TRPC4AP: variants seen among roughly 807,000 people sequenced by gnomAD.
The protein encoded by TRPC4AP is transient receptor potential cation channel subfamily C member 4 associated protein.
A neutral mutation model predicts 99.0 loss-of-function variants in TRPC4AP; 45 were observed. The observed-to-expected ratio is 0.45, with a 90% CI of 0.36 to 0.58. The LOEUF (loss-of-function observed/expected upper bound fraction) is 0.58, where lower values mean the gene tolerates loss of function less well. Among genes scored for constraint, TRPC4AP ranks in the 20% least tolerant of loss-of-function variants. The probability of loss-of-function intolerance (pLI) is 0.00; values close to 1 mark genes in which losing one functional copy is unlikely to be tolerated. For synonymous variants in TRPC4AP, 408 were observed against 385.8 expected, an observed-to-expected ratio of 1.06 and a Z score of -0.67; for missense variants, 879 against 985.3, an observed-to-expected ratio of 0.89 and a Z score of 1.44.
chr20:35,026,170 G>A (rs962485699), intron 8 of TRPC4AP, among the ~76,000 whole-genome samples: 19 of 151,432 alleles, frequency 1.3e-4, no homozygotes, highest in Non-Finnish European at 1.6e-4. Context: ...ATAGTGTCTC[G>A]ATTGCAGCTT....
At position 35,008,750 on chromosome 20, in the gene TRPC4AP, G is replaced by T; in HGVS notation, c.1512-3C>A. 1 of 1,613,228 alleles carries T rather than the reference G, an allele frequency of 6.2e-7. No homozygotes were observed. Among genetic ancestry groups the T allele is most frequent in the Non-Finnish European group, 8.5e-7 (1 of 1,179,490 alleles). On this transcript the variant is annotated splice_region_variant and splice_polypyrimidine_tract_variant and intron_variant, in intron 12 of 18. Transcript: ENST00000252015. The stretch of plus-strand genomic sequence containing the variant: ...TCTTCCCATCACACACCAAACTCCT[G>T]AAATAGAAGAGAGATATTGGTGACA...
chr20:35,019,993 A>G (rs368763589), intron 9 of TRPC4AP, among the ~76,000 whole-genome samples: 2 of 152,236 alleles, frequency 1.3e-5, no homozygotes. Context: ...CTTACCTGCT[A>G]GTCTTAACCA....
intron 8 of TRPC4AP, among the ~76,000 whole-genome samples, chr20:35,033,702 G>A (rs533171558): frequency 2.0e-5 from 3 of 152,154 alleles, no homozygotes; most frequent in Non-Finnish European, 2.9e-5. Flanking sequence ...ATTAAGAAGA[G>A]GGTACCTGGC....
At chr20:35,072,803 T>C (rs1300846860) in intron 2 of TRPC4AP, among the ~76,000 whole-genome samples, 1 of 152,230 alleles carries the variant, frequency 6.6e-6, no homozygotes, top group Non-Finnish European at 1.5e-5. Context: ...AAAGTAGTTT[T>C]TTCCAATTCT....
chr20:35,032,761 C>T (rs1363916039), intron 8 of TRPC4AP, among the ~76,000 whole-genome samples: 6 of 152,298 alleles, frequency 3.9e-5, no homozygotes, highest in East Asian at 1.9e-4. Flanking sequence ...TGTGAGCCAA[C>T]GCGCCCAGCC....
rs2147255795 is a variant in TRPC4AP, at chr20:35,002,989, C to A, written c.*157G>T. 2 of 1,042,132 alleles carry A rather than the reference C, an allele frequency of 1.9e-6. No homozygotes were observed. Among genetic ancestry groups the A allele is most frequent in the Non-Finnish European group, 1.4e-6 (1 of 724,788 alleles). 64.6% of individuals were successfully genotyped at this position (1,042,132 alleles called of 1,614,324 possible). On this transcript the variant is annotated 3_prime_UTR_variant, in exon 19 of 19. Transcript: ENST00000252015. The stretch of plus-strand genomic sequence containing the variant: ...CCTAGGGCCCTCAGACCCAGGGGGA[C>A]CAAGGGCTTCTAGGACTTCCCTCCC...
In TRPC4AP at chr20:35,023,369, A is replaced by G. The variant is rs1489775796; in HGVS notation, c.1052-2013T>C. Among the ~76,000 whole-genome samples the G allele has an allele frequency of 2.6e-5, 4 of 152,228 alleles. No individual in the cohort carries two copies. The East Asian group carries it at 5.8e-4, about 22-fold the overall frequency. On this transcript the variant is annotated intron_variant, in intron 8 of 18. Transcript: ENST00000252015. ...AGGTGCCTGGAACATAGCCCCAAGT[A>G]AGCAACATACAATTAGAAACTAAAT...
intron 10 of TRPC4AP, among the ~76,000 whole-genome samples, chr20:35,014,134 AG>A (rs1187610442): frequency 3.9e-5 from 6 of 152,094 alleles, no homozygotes; most frequent in East Asian, 1.9e-4. Context: ...TACGGGTGTG[AG>A]CCACCATGCC....
chr20:35,092,651 C>T lies in TRPC4AP; in HGVS notation c.131G>A (p.Gly44Asp), dbSNP rs2085108504. Reference sequence around the variant, plus strand: ...GACCAGGCCCCGGCCGGTCAGCTGGCCCTGCCGCAGCTGCAGCAGAATGTT... The same window carrying T: ...GACCAGGCCCCGGCCGGTCAGCTGGTCCTGCCGCAGCTGCAGCAGAATGTT... ...PGNILLQLRQGQLTGRGLVRA... is the reference protein window; with the variant it reads ...PGNILLQLRQDQLTGRGLVRA... The change falls in exon 1 of 19, where the codon GGC (glycine) becomes GAC (aspartate). Residue 44 changes from glycine (G) to aspartate (D), a missense_variant. Physicochemically the swap from Gly to Asp is moderately conservative, Grantham distance 94. Coordinates refer to ENST00000252015, the MANE Select transcript of TRPC4AP (RefSeq NM_015638.3). The T allele has an allele frequency of 1.3e-6, 2 of 1,517,512 alleles. No individual in the cohort carries two copies. Among genetic ancestry groups the T allele is most frequent in the African/African-American group, 2.9e-5 (2 of 69,994 alleles). 94.0% of individuals were successfully genotyped at this position (1,517,512 alleles called of 1,614,324 possible).
chr20:35,054,917 T>C, intron 5 of TRPC4AP, 59 bp downstream of exon 5: 5 of 1,446,480 alleles, frequency 3.5e-6, no homozygotes, highest in Non-Finnish European at 4.8e-6. Flanking sequence ...TATTCCCATC[T>C]TAAACATTGC....
chr20:35,044,807 T>A, intron 6 of TRPC4AP, 95 bp from the exon 7 acceptor site: 5 of 1,187,700 alleles, frequency 4.2e-6, no homozygotes, highest in Non-Finnish European at 6.1e-6. Flanking sequence ...CGGGGCTTAG[T>A]GGCTAGATCA....
chr20:35,012,962 G>A (rs372554590), intron 11 of TRPC4AP, 46 bp downstream of exon 11: 25 of 1,605,424 alleles, frequency 1.6e-5, no homozygotes, highest in African/African-American at 6.7e-5. Context: ...GAGGCCTTCC[G>A]AAGACAGCCC....
At chr20:35,009,645 A>AAAAAC (rs1287193472) in intron 12 of TRPC4AP, among the ~76,000 whole-genome samples, 3 of 152,224 alleles carry the variant, frequency 2.0e-5, no homozygotes, top group Non-Finnish European at 4.4e-5. Flanking sequence ...CTTGTGTCTA[A>AAAAAC]AAAACAAAAC....
intron 3 of TRPC4AP, among the ~76,000 whole-genome samples, chr20:35,061,870 T>C (rs557082714): frequency 6.6e-6 from 1 of 152,170 alleles, no homozygotes; most frequent in Non-Finnish European, 1.5e-5. Context: ...ATTAAAGACT[T>C]TGTGTTTCAA....
At chr20:35,060,657 T>C (rs2083981796) in intron 3 of TRPC4AP, among the ~76,000 whole-genome samples, 1 of 148,354 alleles carries the variant, frequency 6.7e-6, no homozygotes, top group Non-Finnish European at 1.5e-5. Context: ...GTGGAATTTA[T>C]CCCAGGAATG....
chr20:35,015,296 G>A (rs372590052), intron 10 of TRPC4AP, among the ~76,000 whole-genome samples: 2 of 151,932 alleles, frequency 1.3e-5, no homozygotes, highest in African/African-American at 4.8e-5. Context: ...CACCACGCCC[G>A]GGAGCACGGT....
rs748505013 is a variant in TRPC4AP, at chr20:35,010,199, A to C, written c.1499T>G (p.Leu500Arg). 2 of 1,614,150 alleles carry C rather than the reference A, an allele frequency of 1.2e-6. No individual in the cohort carries two copies. The highest frequency in any genetic ancestry group is 8.5e-7 in the Non-Finnish European group (1 of 1,180,022). The part of the protein sequence containing the change: ...KANIPEVEAV[L>R]NTDRSLVCDG... ...CCCCTGCACTCACCTGTCGGTGTTGAGGACAGCTTCCACCTCAGGGATGTT... is the reference window on the plus strand; with the variant it reads ...CCCCTGCACTCACCTGTCGGTGTTGCGGACAGCTTCCACCTCAGGGATGTT... Residue 500 changes from leucine to arginine, a missense_variant, in exon 12 of 19, where the codon CTC becomes CGC. Transcript: ENST00000252015.
At chr20:35,021,088 C>G (rs140342472) in intron 9 of TRPC4AP, 102 bp downstream of exon 9, 73 of 1,322,966 alleles carry the variant, frequency 5.5e-5, no homozygotes, top group Non-Finnish European at 7.4e-5. Flanking sequence ...CAGGCTAAAG[C>G]GAGAGCCATT....
At chr20:35,005,893 C>A in intron 15 of TRPC4AP, 90 bp from the exon 16 acceptor site, 3 of 1,115,368 alleles carry the variant, frequency 2.7e-6, no homozygotes, top group Admixed American at 3.7e-5. Flanking sequence ...GGGGCATCAG[C>A]GACCTCTACC....
Sources: gnomAD v4.1 joint callset for allele counts (sites outside exome capture counted in the v4.1 genomes callset) on GRCh38, gnomAD v4.1.1 for gene constraint, MANE v1.5 for transcripts, NCBI Gene and HGNC (gene_info 2026-07-23, HGNC 2026-07-21) for gene names.